The following NECTIN2 variants were observed in gnomAD, a reference collection of about 807,000 sequenced individuals.
The protein encoded by NECTIN2 is nectin cell adhesion molecule 2.
A neutral mutation model predicts 56.9 loss-of-function variants in NECTIN2; 23 were observed. That is an observed-to-expected ratio of 0.40 (90% CI 0.29 to 0.57). NECTIN2 has a LOEUF of 0.57. Ranked by LOEUF, NECTIN2 falls within the 20% of genes least tolerant of loss-of-function variation. NECTIN2 has a pLI of 0.38. For missense variants in NECTIN2, 587 were observed against 718.3 expected, an observed-to-expected ratio of 0.82 and a Z score of 2.09; for synonymous variants, 302 against 313.8, an observed-to-expected ratio of 0.96 and a Z score of 0.40.
intron 1 of NECTIN2, among the ~76,000 whole-genome samples, chr19:44,855,147 C>G (rs1211050458): frequency 1.4e-5 from 2 of 144,704 alleles, no homozygotes; most frequent in African/African-American, 5.2e-5. Context: ...CTGAGTCAGC[C>G]TGGCGCAGTG....
intron 2 of NECTIN2, among the ~76,000 whole-genome samples, chr19:44,870,691 C>CA (rs544631230): frequency 1.4e-3 from 215 of 151,254 alleles, no homozygotes; most frequent in Non-Finnish European, 2.3e-3. Context: ...CCACAGTACT[C>CA]AGTTACTCGC....
chr19:44,849,133 C>G (rs1430560802), intron 1 of NECTIN2, among the ~76,000 whole-genome samples: 1 of 151,980 alleles, frequency 6.6e-6, no homozygotes, highest in Non-Finnish European at 1.5e-5. Context: ...CGGTCAGACA[C>G]AGATTTAGGA....
chr19:44,855,916 T>A (rs761851526), intron 1 of NECTIN2, among the ~76,000 whole-genome samples: 2 of 152,186 alleles, frequency 1.3e-5, no homozygotes, highest in Admixed American at 6.5e-5. Context: ...ATTTGACCTA[T>A]AAGATGTGAA....
At chr19:44,878,466 G>A (rs957948536) in intron 5 of NECTIN2, 4 of 1,611,040 alleles carry the variant, frequency 2.5e-6, no homozygotes, top group Middle Eastern at 1.7e-4. Flanking sequence ...GTAGTCCCTG[G>A]TCCCATGGAA....
intron 5 of NECTIN2, among the ~76,000 whole-genome samples, chr19:44,880,771 C>A (rs1969299323): frequency 6.8e-6 from 1 of 146,748 alleles, no homozygotes; most frequent in Non-Finnish European, 1.5e-5. Flanking sequence ...TGGCCCCTGG[C>A]TAATTTTTTT....
At chr19:44,866,876 AC>A (rs1969107221) in intron 2 of NECTIN2, among the ~76,000 whole-genome samples, 2 of 152,238 alleles carry the variant, frequency 1.3e-5, no homozygotes, top group Admixed American at 1.3e-4. Flanking sequence ...TAAGGCAACT[AC>A]AAAGTCCGGG....
chr19:44,859,051 C>A (rs1969002545), intron 1 of NECTIN2, among the ~76,000 whole-genome samples: 1 of 152,344 alleles, frequency 6.6e-6, no homozygotes, highest in Admixed American at 6.5e-5. Context: ...CCACCGGGGA[C>A]CCCTCATAAG....
chr19:44,863,149 G>A (rs911982426), intron 1 of NECTIN2, among the ~76,000 whole-genome samples: 1 of 151,760 alleles, frequency 6.6e-6, no homozygotes, highest in Non-Finnish European at 1.5e-5. Flanking sequence ...GCAACAGTGC[G>A]AGAGTCTGTC....
rs1208308278 is a variant in NECTIN2, at chr19:44,874,978, G to A, written c.1042+500G>A. 6.6e-6 allele frequency among the ~76,000 whole-genome samples: 1 copy of A among 152,154 alleles called. No homozygotes were observed. Among genetic ancestry groups the A allele is most frequent in the African/African-American group, 2.4e-5 (1 of 41,430 alleles). ...AACTGCAGGGCCACACACCTAGAGC[G>A]CGGCCGGGACTGTTAACAGAGCCAT... On this transcript the variant is annotated intron_variant, in intron 5 of 8. Transcript: ENST00000252483. This position sits in a 1 kb window ranked among gnomAD's most constrained non-coding sequence, Gnocchi z 6.3.
intron 1 of NECTIN2, among the ~76,000 whole-genome samples, chr19:44,855,586 CT>C (rs1968956790): frequency 6.6e-6 from 1 of 152,108 alleles, no homozygotes; most frequent in Non-Finnish European, 1.5e-5. Context: ...GGTCAAGCCT[CT>C]TCAGGTTCCT....
chr19:44,853,051 G>A (rs1968919395), intron 1 of NECTIN2, among the ~76,000 whole-genome samples: 1 of 151,962 alleles, frequency 6.6e-6, no homozygotes, highest in African/African-American at 2.4e-5. Context: ...GGTTGAGGCT[G>A]CGGCAAGCTG....
chr19:44,865,588 G>A lies in NECTIN2; in HGVS notation c.406G>A (p.Gly136Ser). Residue 136 changes from glycine (G) to serine (S), a missense_variant, in exon 2 of 9, where the codon GGC (glycine) becomes AGC (serine). By Grantham distance (56) the Gly-to-Ser change is moderately conservative (BLOSUM62 0). Transcript: ENST00000252483. The surrounding 1 kb of genome is among the most constrained non-coding windows in gnomAD (Gnocchi z 5.2). The part of the protein sequence containing the change: ...ALHGLTVEDE[G>S]NYTCEFATFP... Reference sequence around the variant, plus strand: ...CCACGGGCTCACGGTGGAGGACGAGGGCAACTACACTTGCGAGTTTGCCAC... The same window carrying A: ...CCACGGGCTCACGGTGGAGGACGAGAGCAACTACACTTGCGAGTTTGCCAC... 1 of 1,545,648 alleles carries A rather than the reference G, an allele frequency of 6.5e-7. No individual in the cohort carries two copies. Among genetic ancestry groups the A allele is most frequent in the Non-Finnish European group, 8.7e-7 (1 of 1,148,166 alleles).
intron 8 of NECTIN2, 105 bp downstream of exon 8, chr19:44,886,324 C>T: frequency 3.3e-6 from 3 of 904,040 alleles, no homozygotes; most frequent in African/African-American, 1.6e-5. Context: ...AACTCAAGGT[C>T]AAGGGTGTGT....
chr19:44,887,351 AAAAG>A (rs1213188258), intron 8 of NECTIN2, among the ~76,000 whole-genome samples: 2 of 150,922 alleles, frequency 1.3e-5, no homozygotes, highest in African/African-American at 4.9e-5. Context: ...TCCGTCTCAA[AAAAG>A]AAAAAGGCCG....
chr19:44,869,408 C>T (rs1368198275), intron 2 of NECTIN2, among the ~76,000 whole-genome samples: 2 of 151,644 alleles, frequency 1.3e-5, no homozygotes, highest in Admixed American at 6.6e-5. Context: ...CTGGCTAACA[C>T]GGTGAAACCC....
Position 44,871,775 on chromosome 19 carries a change from C to T in NECTIN2, c.479-78C>T, listed in dbSNP as rs986101891. On this transcript the variant is annotated intron_variant, in intron 2 of 8. Transcript: ENST00000252483. The stretch of plus-strand genomic sequence containing the variant: ...TGGAACCCCGGCAGTTAGGGCCTAA[C>T]CACCCTGCTCCTCTGCTGAGTGTTT... 1.6e-4 allele frequency: 239 copies of T among 1,490,048 alleles called. 2 individuals are homozygous for T. Among genetic ancestry groups the T allele is most frequent in the Non-Finnish European group, 2.3e-5 (25 of 1,099,558 alleles). 92.3% of individuals were successfully genotyped at this position (1,490,048 alleles called of 1,614,324 possible).
At chr19:44,863,228 G>C (rs1969054983) in intron 1 of NECTIN2, among the ~76,000 whole-genome samples, 1 of 152,062 alleles carries the variant, frequency 6.6e-6, no homozygotes, top group Admixed American at 6.6e-5. Flanking sequence ...CCAGCACTTT[G>C]GGAGGCTGAG....
chr19:44,846,698 G>A (rs975104838), intron 1 of NECTIN2, 85 bp downstream of exon 1: 1 of 1,163,114 alleles, frequency 8.6e-7, no homozygotes, highest in East Asian at 3.6e-5. Context: ...CACCTTCCCC[G>A]CCCACCCCCG....
In NECTIN2 at chr19:44,846,604, C is replaced by A; in HGVS notation, c.79C>A (p.Leu27Met). The change falls in exon 1 of 9, where the codon CTG (leucine) becomes ATG (methionine). Residue 27 changes from leucine (L) to methionine (M), a missense_variant. Transcript: ENST00000252483. The part of the protein sequence containing the change: ...LLWPLLLLLL[L>M]ETGAQDVRVQ... ...GTGGCCGCTGCTGCTGCTGCTGCTC[C>A]TGGAAACCGGTGAGACGAGCGGACG... 6.6e-7 allele frequency: 1 copy of A among 1,525,950 alleles called. No homozygotes were observed. Among genetic ancestry groups the A allele is most frequent in the Non-Finnish European group, 8.7e-7 (1 of 1,143,076 alleles). The allele number at this position is 1,525,950 out of a possible 1,614,324, so 94.5% of individuals were successfully genotyped here.
Sources: gnomAD v4.1 joint callset for allele counts (sites outside exome capture counted in the v4.1 genomes callset) on GRCh38, gnomAD v4.1.1 for gene constraint, Gnocchi (gnomAD v3.1) non-coding constraint, MANE v1.5 for transcripts, NCBI Gene and HGNC (gene_info 2026-07-23, HGNC 2026-07-21) for gene names.